CENPK: variants seen among roughly 807,000 people sequenced by gnomAD.
The protein encoded by CENPK is centromere protein K.
CENPK carries 46 observed loss-of-function variants against 40.9 expected under a neutral mutation model. The observed-to-expected ratio is 1.13, with a 90% CI of 0.89 to 1.44. CENPK has a LOEUF of 1.44. Ranked by LOEUF, CENPK falls within the 40% of genes most tolerant of loss-of-function variation. The pLI is 0.00. For synonymous variants in CENPK, 107 were observed against 104.4 expected (o/e 1.02, Z -0.15); for missense variants, 288 against 303.5 (o/e 0.95, Z 0.38).
intron 2 of CENPK, among the ~76,000 whole-genome samples, chr5:65,558,675 T>A (rs1238261183): frequency 6.6e-6 from 1 of 152,212 alleles, no homozygotes; most frequent in Admixed American, 6.5e-5. Context: ...ATTAGTATCA[T>A]GAGTTTAAAG....
At position 65,532,887 on chromosome 5, in the gene CENPK, C is replaced by A. The variant is rs371487220; in HGVS notation, c.289-3688G>T. Among the ~76,000 whole-genome samples the A allele has an allele frequency of 4.8e-3, 306 of 63,686 alleles. 2 individuals are homozygous for A. Among genetic ancestry groups the A allele is most frequent in the African/African-American group, 0.018 (294 of 16,540 alleles). 41.8% of individuals were successfully genotyped at this position (63,686 alleles called of 152,430 possible). A position where few individuals can be genotyped will look rare whatever the true frequency, so the allele number is the denominator to read the frequency against. ...TCACGCCATTGCACTCCAGCCTGGA[C>A]AACAAGAGCGAAACTCCATCTCCAA... On this transcript the variant is annotated intron_variant, in intron 6 of 10. Coordinates refer to ENST00000396679, the MANE Select transcript of CENPK (RefSeq NM_022145.5).
intron 2 of CENPK, 34 bp from the exon 3 acceptor site, chr5:65,554,980 T>C (rs1416767650): frequency 3.4e-6 from 3 of 890,084 alleles, no homozygotes; most frequent in African/African-American, 3.3e-5. Context: ...TTCAGCAGTA[T>C]TGGTTGAACA....
chr5:65,544,440 T>C (rs1027319141), intron 5 of CENPK, among the ~76,000 whole-genome samples: 1 of 152,188 alleles, frequency 6.6e-6, no homozygotes. Flanking sequence ...GTCGGTGGGA[T>C]TGAAATATGG....
chr5:65,515,868 G>A (rs1383963114), downstream of CENPK, among the ~76,000 whole-genome samples: 4 of 152,178 alleles, frequency 2.6e-5, no homozygotes, highest in Admixed American at 2.0e-4. Flanking sequence ...CATACACTAG[G>A]TGACTTAAGC....
intron 2 of CENPK, chr5:65,561,222 T>C (rs1487894848): frequency 3.9e-6 from 1 of 255,218 alleles, no homozygotes. Flanking sequence ...ACAGTTTAAG[T>C]TCACAAAGCC....
intron 2 of CENPK, among the ~76,000 whole-genome samples, chr5:65,556,265 G>A (rs1201012239): frequency 6.6e-6 from 1 of 152,158 alleles, no homozygotes; most frequent in Non-Finnish European, 1.5e-5. Context: ...TTGAGTTCAG[G>A]AGTTCCAGAA....
intron 5 of CENPK, among the ~76,000 whole-genome samples, chr5:65,546,100 TAA>T (rs1387885932): frequency 1.3e-5 from 2 of 152,208 alleles, no homozygotes; most frequent in African/African-American, 4.8e-5. Context: ...GCCAAGAGAT[TAA>T]AAAGTCTGTT....
intron 6 of CENPK, among the ~76,000 whole-genome samples, chr5:65,529,947 G>A (rs972597293): frequency 1.3e-5 from 2 of 151,934 alleles, no homozygotes; most frequent in Non-Finnish European, 2.9e-5. Context: ...TGGGAATACA[G>A]GCACGTGCCA....
chr5:65,548,529 A>T (rs1749415463), intron 5 of CENPK, among the ~76,000 whole-genome samples: 1 of 151,664 alleles, frequency 6.6e-6, no homozygotes, highest in Non-Finnish European at 1.5e-5. Flanking sequence ...TCACAAAAAC[A>T]TTTCTCGGTG....
At chr5:65,540,437 G>T (rs1360717164) in intron 6 of CENPK, among the ~76,000 whole-genome samples, 1 of 152,070 alleles carries the variant, frequency 6.6e-6, no homozygotes, top group Non-Finnish European at 1.5e-5. Context: ...CCCTATTGTG[G>T]TATCTTTTCA....
At chr5:65,554,639 T>G (rs1192759241) in intron 3 of CENPK, among the ~76,000 whole-genome samples, 158 bp downstream of exon 3, 1 of 152,228 alleles carries the variant, frequency 6.6e-6, no homozygotes, top group Non-Finnish European at 1.5e-5. Flanking sequence ...AGTGTAAAGT[T>G]TCTTGAATGA....
intron 10 of CENPK, among the ~76,000 whole-genome samples, chr5:65,520,749 C>T (rs1019583877): frequency 6.6e-6 from 1 of 152,180 alleles, no homozygotes; most frequent in Non-Finnish European, 1.5e-5. Context: ...TCTGAAATCA[C>T]TCTTTCTTCA....
chr5:65,552,617 C>T (rs1750288113), intron 3 of CENPK, 68 bp from the exon 4 acceptor site: 2 of 857,140 alleles, frequency 2.3e-6, no homozygotes, highest in East Asian at 2.7e-5. Context: ...TTCCCCTCTC[C>T]TTTTCTACCA....
the CENPK span, among the ~76,000 whole-genome samples, chr5:65,501,336 G>A: frequency 2.6e-5 from 4 of 151,302 alleles, no homozygotes; most frequent in Non-Finnish European, 2.9e-5. Context: ...CCACCACCAC[G>A]CCCAGCTAGT....
In CENPK at chr5:65,563,168, C is replaced by T; in HGVS notation, c.-212G>A. On this transcript the variant is annotated 5_prime_UTR_variant, in exon 1 of 11. Transcript: ENST00000396679. The stretch of plus-strand genomic sequence containing the variant: ...AGCGCTTGCCAGCCCCGGACTTCTG[C>T]GCGCGCTGCATGCCCATTGGATGTG... 2.7e-6 allele frequency: 3 copies of T among 1,111,122 alleles called. No homozygotes were observed. Among genetic ancestry groups the T allele is most frequent in the East Asian group, 2.5e-5 (1 of 39,838 alleles). 68.8% of individuals were successfully genotyped at this position (1,111,122 alleles called of 1,614,324 possible).
chr5:65,561,102 T>C (rs911589586), intron 2 of CENPK: 2 of 152,472 alleles, frequency 1.3e-5, no homozygotes, highest in African/African-American at 4.8e-5. Context: ...TAAATATATA[T>C]ATATAAGTAC....
intron 5 of CENPK, among the ~76,000 whole-genome samples, chr5:65,549,668 A>C (rs1434492079): frequency 6.6e-6 from 1 of 152,062 alleles, no homozygotes; most frequent in Non-Finnish European, 1.5e-5. Flanking sequence ...CTTTCCTTAA[A>C]CCTCATGAAC....
At chr5:65,509,916 A>T in the CENPK span, among the ~76,000 whole-genome samples, 1 of 152,236 alleles carries the variant, frequency 6.6e-6, no homozygotes, top group Admixed American at 6.5e-5. Context: ...GTTTGGAGGA[A>T]TCAAGAACTA....
intron 6 of CENPK, among the ~76,000 whole-genome samples, chr5:65,530,256 AAG>A (rs1745539262): frequency 2.0e-5 from 3 of 152,330 alleles, no homozygotes; most frequent in African/African-American, 7.2e-5. Context: ...GAACAGAACA[AAG>A]AGGGGAATCC....
Sources: gnomAD v4.1 joint callset for allele counts (sites outside exome capture counted in the v4.1 genomes callset) on GRCh38, gnomAD v4.1.1 for gene constraint, MANE v1.5 for transcripts, NCBI Gene and HGNC (gene_info 2026-07-23, HGNC 2026-07-21) for gene names.